The following IPPK variants were observed in gnomAD, a reference collection of about 807,000 sequenced individuals.
The protein encoded by IPPK is inositol-pentakisphosphate 2-kinase.
IPPK carries 22 observed loss-of-function variants against 64.6 expected under a neutral mutation model. The ratio of observed to expected loss-of-function variants is 0.34; its 90% CI spans 0.24 to 0.49. The LOEUF is 0.49. Ranked by LOEUF, IPPK falls within the 20% of genes least tolerant of loss-of-function variation. The probability of loss-of-function intolerance (pLI) is 0.99; values close to 1 mark genes in which losing one functional copy is unlikely to be tolerated. For missense variants in IPPK, 532 were observed against 630.7 expected, an observed-to-expected ratio of 0.84 and a Z score of 1.68; for synonymous variants, 262 against 247.2, an observed-to-expected ratio of 1.06 and a Z score of -0.56.
chr9:92,633,700 T>C (rs867423276), intron 11 of IPPK, among the ~76,000 whole-genome samples: 1 of 152,248 alleles, frequency 6.6e-6, no homozygotes, highest in Non-Finnish European at 1.5e-5. Context: ...CAGTGATGAA[T>C]AAACCACATC....
intron 3 of IPPK, among the ~76,000 whole-genome samples, chr9:92,656,001 C>G (rs929495047): frequency 6.6e-6 from 1 of 152,204 alleles, no homozygotes; most frequent in South Asian, 2.1e-4. Context: ...GGGGCTCCCA[C>G]GGCTTTTCTC....
intron 11 of IPPK, among the ~76,000 whole-genome samples, chr9:92,627,330 G>A (rs1851751812): frequency 6.6e-6 from 1 of 152,114 alleles, no homozygotes; most frequent in Non-Finnish European, 1.5e-5. Flanking sequence ...CCAAAAAATA[G>A]AAGAGGCTGG....
At chr9:92,668,212 G>C (rs987185429) in intron 1 of IPPK, among the ~76,000 whole-genome samples, 1 of 152,156 alleles carries the variant, frequency 6.6e-6, no homozygotes, top group Admixed American at 6.5e-5. Context: ...AGGTTGCAGT[G>C]AGCCGAGATC....
chr9:92,626,471 A>G (rs934992616), intron 11 of IPPK, among the ~76,000 whole-genome samples: 2 of 152,208 alleles, frequency 1.3e-5, no homozygotes, highest in African/African-American at 2.4e-5. Context: ...CAGCTGAATG[A>G]ATCAATGAAC....
intron 11 of IPPK, among the ~76,000 whole-genome samples, chr9:92,632,397 C>T (rs1423517025): frequency 6.6e-6 from 1 of 152,190 alleles, no homozygotes; most frequent in Non-Finnish European, 1.5e-5. Context: ...TTTATTTTAG[C>T]CCTTCTGCTA....
At chr9:92,619,190 G>A (rs1002960050) in intron 12 of IPPK, 26 of 341,928 alleles carry the variant, frequency 7.6e-5, no homozygotes, top group Non-Finnish European at 1.1e-4. Flanking sequence ...GCAATGGGCA[G>A]CTCACTGTCC....
intron 4 of IPPK, among the ~76,000 whole-genome samples, chr9:92,650,955 C>G (rs1326759468): frequency 2.6e-5 from 4 of 152,154 alleles, no homozygotes; most frequent in Non-Finnish European, 5.9e-5. Context: ...GAGCCTTACT[C>G]CAAGTCTGGT....
chr9:92,653,274 T>C (rs960057133), intron 3 of IPPK, among the ~76,000 whole-genome samples: 31 of 152,302 alleles, frequency 2.0e-4, no homozygotes, highest in African/African-American at 7.5e-4. Context: ...GGTGGCAGAA[T>C]TGTGACTTCT....
intron 8 of IPPK, 54 bp downstream of exon 8, chr9:92,640,656 T>C: frequency 8.2e-7 from 1 of 1,222,964 alleles, no homozygotes; most frequent in Admixed American, 1.7e-5. Context: ...TGAGGTCACT[T>C]GAACCTTTGC....
At chr9:92,616,225 C>T (rs1588325960) in intron 12 of IPPK, 168 bp from the exon 13 acceptor site, 1 of 569,846 alleles carries the variant, frequency 1.8e-6, no homozygotes, top group Admixed American at 3.1e-5. Flanking sequence ...AATGGCCTCA[C>T]ACCCCAGCTC....
chr9:92,622,446 T>C (rs1851658225), intron 11 of IPPK, among the ~76,000 whole-genome samples: 1 of 152,150 alleles, frequency 6.6e-6, no homozygotes, highest in Admixed American at 6.5e-5. Context: ...AAAGTTGATG[T>C]ATGCAAAGTC....
chr9:92,635,373 G>A lies in IPPK; in HGVS notation c.917-65C>T, dbSNP rs1052169036. 3 of 1,541,428 alleles carry A rather than the reference G, an allele frequency of 1.9e-6. No homozygotes were observed. The highest frequency in any genetic ancestry group is 2.6e-6 in the Non-Finnish European group (3 of 1,134,424). ...ATCAAAGAACGTGGAGGGAGACACA[G>A]GCCGGCGCAGACCGCAGGGCTCATC... On this transcript the variant is annotated intron_variant, in intron 9 of 12. Coordinates refer to ENST00000287996, the MANE Select transcript of IPPK (RefSeq NM_022755.6). This position sits in a 1 kb window ranked among gnomAD's most constrained non-coding sequence, Gnocchi z 4.4.
rs1851405732 is a variant in IPPK, at chr9:92,615,596, T to A, written c.*236A>T. ...CGTCTTCCCAGGGCTTAACGGACACTTCCATTTTAAGAGTGTGAGCAGCTT... is the reference window on the plus strand; with the variant it reads ...CGTCTTCCCAGGGCTTAACGGACACATCCATTTTAAGAGTGTGAGCAGCTT... On this transcript the variant is annotated 3_prime_UTR_variant, in exon 13 of 13. Coordinates refer to ENST00000287996, the MANE Select transcript of IPPK (RefSeq NM_022755.6). 2.0e-6 allele frequency: 1 copy of A among 505,726 alleles called. No individual in the cohort carries two copies. The highest frequency in any genetic ancestry group is 2.2e-5 in the South Asian group (1 of 46,066). 31.3% of individuals were successfully genotyped at this position (505,726 alleles called of 1,614,324 possible).
At position 92,619,571 on chromosome 9, in the gene IPPK, G is replaced by A. The variant is rs573500591; in HGVS notation, c.1171-6C>T. On this transcript the variant is annotated splice_polypyrimidine_tract_variant and splice_region_variant and intron_variant, in intron 11 of 12. Transcript: ENST00000287996. ...GCGACGCGGTACTGCTGCACCTGCA[G>A]GGGCGGGAAAGATCAGCTCCAGGTC... 4 of 1,573,716 alleles carry A rather than the reference G, an allele frequency of 2.5e-6. No individual in the cohort carries two copies. The highest frequency in any genetic ancestry group is 3.5e-6 in the Non-Finnish European group (4 of 1,159,210).
intron 10 of IPPK, 123 bp from the exon 11 acceptor site, chr9:92,634,611 TA>T: frequency 1.5e-6 from 1 of 686,908 alleles, no homozygotes; most frequent in Admixed American, 2.3e-5. Context: ...GAAAAACACA[TA>T]ACAGATCTAT....
intron 1 of IPPK, among the ~76,000 whole-genome samples, chr9:92,663,219 A>C (rs1288246226): frequency 6.6e-6 from 1 of 152,260 alleles, no homozygotes; most frequent in African/African-American, 2.4e-5. Flanking sequence ...GGTGTGTCCC[A>C]TAGGATTATA....
intron 7 of IPPK, 88 bp downstream of exon 7, chr9:92,642,664 C>A (rs528564634): frequency 4.3e-6 from 5 of 1,160,890 alleles, no homozygotes; most frequent in South Asian, 3.7e-5. Context: ...TCCTACCTCA[C>A]GAAATACCCC....
chr9:92,629,937 G>A (rs1402176786), intron 11 of IPPK, among the ~76,000 whole-genome samples: 7 of 152,170 alleles, frequency 4.6e-5, no homozygotes, highest in African/African-American at 1.7e-4. Flanking sequence ...ATACACTGCT[G>A]GTGGGAAGAT....
rs535960836 is a variant in IPPK, at chr9:92,613,257, G to A, written c.*2575C>T. 2.6e-4 allele frequency: 340 copies of A among 1,330,714 alleles called. No individual in the cohort carries two copies. In the African/African-American group the frequency reaches 4.3e-3, roughly 17 times the overall value. 82.4% of individuals were successfully genotyped at this position (1,330,714 alleles called of 1,614,324 possible). ...TGCTTAGAAACCACACCCTGAAGAC[G>A]TGCTGTCTATGCAGTTATGGCACAT... is the stretch of plus-strand genomic sequence containing the variant. On this transcript the variant is annotated 3_prime_UTR_variant, in exon 13 of 13. Transcript: ENST00000287996.
Sources: gnomAD v4.1 joint callset for allele counts (sites outside exome capture counted in the v4.1 genomes callset) on GRCh38, gnomAD v4.1.1 for gene constraint, Gnocchi (gnomAD v3.1) non-coding constraint, MANE v1.5 for transcripts, NCBI Gene and HGNC (gene_info 2026-07-23, HGNC 2026-07-21) for gene names.